PTPRD: variants seen among roughly 807,000 people sequenced by gnomAD.
PTPRD encodes protein tyrosine phosphatase receptor type D.
In PTPRD, 34 loss-of-function variants were observed where a neutral mutation model predicts 214.5. That is an observed-to-expected ratio of 0.16 (90% confidence interval 0.12 to 0.21). The LOEUF (loss-of-function observed/expected upper bound fraction) is 0.21. Ranked by LOEUF, PTPRD falls within the 10% of genes least tolerant of loss-of-function variation. PTPRD has a pLI of 1.00. For missense variants in PTPRD, 2,545 were observed against 2,398.7 expected (o/e 1.06, Z -1.27); for synonymous variants, 1,128 against 845.7 (o/e 1.33, Z -5.79).
intron 12 of PTPRD, among the ~76,000 whole-genome samples, chr9:8,699,240 T>C (rs1462735417): frequency 2.0e-5 from 3 of 152,236 alleles, no homozygotes; most frequent in Non-Finnish European, 2.9e-5. Flanking sequence ...GGACAGATGC[T>C]AAACAGTTGC....
At chr9:9,430,510 T>G (rs1055996454) in intron 8 of PTPRD, among the ~76,000 whole-genome samples, 2 of 152,096 alleles carry the variant, frequency 1.3e-5, no homozygotes, top group African/African-American at 4.8e-5. Context: ...GCCATCCCCA[T>G]GAAGCTACCA....
At chr9:8,765,859 T>C (rs540821446) in intron 11 of PTPRD, among the ~76,000 whole-genome samples, 1 of 152,322 alleles carries the variant, frequency 6.6e-6, no homozygotes, top group East Asian at 1.9e-4. Context: ...CTGTTTGATA[T>C]TGGACAGTGT....
chr9:9,588,692 C>T (rs761253645), intron 7 of PTPRD, among the ~76,000 whole-genome samples: 7 of 151,890 alleles, frequency 4.6e-5, no homozygotes, highest in Non-Finnish European at 8.8e-5. Flanking sequence ...ACTTCCACTA[C>T]CAGTCCTTGA....
At chr9:10,179,178 A>G (rs2099267297) in intron 3 of PTPRD, among the ~76,000 whole-genome samples, 1 of 152,048 alleles carries the variant, frequency 6.6e-6, no homozygotes, top group South Asian at 2.1e-4. Context: ...CAGTGGATGC[A>G]GCAAGACACT....
chr9:9,218,358 A>G (rs1244359245), intron 9 of PTPRD, among the ~76,000 whole-genome samples: 5 of 152,158 alleles, frequency 3.3e-5, no homozygotes, highest in African/African-American at 1.2e-4. Flanking sequence ...TCATTTTTAA[A>G]AGCCATTTCA....
At chr9:9,301,823 T>A (rs1955432433) in intron 9 of PTPRD, among the ~76,000 whole-genome samples, 1 of 151,894 alleles carries the variant, frequency 6.6e-6, no homozygotes, top group Non-Finnish European at 1.5e-5. Flanking sequence ...AAGAGATATG[T>A]CCCTAGAATT....
intron 3 of PTPRD, among the ~76,000 whole-genome samples, chr9:10,301,262 G>A (rs1325782304): frequency 2.6e-5 from 4 of 152,030 alleles, no homozygotes; most frequent in South Asian, 2.1e-4. Context: ...CCCATCCGAA[G>A]GTCACCAACA....
intron 9 of PTPRD, among the ~76,000 whole-genome samples, chr9:9,275,812 G>A (rs538526708): frequency 2.0e-5 from 3 of 150,322 alleles, no homozygotes; most frequent in Admixed American, 6.7e-5. Context: ...AACAGTGAGC[G>A]AAACAGCTGT....
At chr9:9,633,642 C>A (rs565151276) in intron 7 of PTPRD, among the ~76,000 whole-genome samples, 2 of 152,008 alleles carry the variant, frequency 1.3e-5, no homozygotes, top group South Asian at 4.1e-4. Context: ...TATTCATGTT[C>A]GAAGGAAAGT....
intron 5 of PTPRD, among the ~76,000 whole-genome samples, chr9:9,876,707 T>C (rs1196842406): frequency 6.6e-6 from 1 of 152,214 alleles, no homozygotes; most frequent in Non-Finnish European, 1.5e-5. Flanking sequence ...TTCTCAAATT[T>C]GCTTTATACA....
chr9:8,595,972 G>A (rs2094454558), intron 14 of PTPRD, among the ~76,000 whole-genome samples: 1 of 152,130 alleles, frequency 6.6e-6, no homozygotes, highest in Non-Finnish European at 1.5e-5. Flanking sequence ...CAAATCATAG[G>A]TTAAGTTCCT....
At chr9:9,509,264 G>C (rs1460914127) in intron 8 of PTPRD, among the ~76,000 whole-genome samples, 1 of 151,372 alleles carries the variant, frequency 6.6e-6, no homozygotes, top group African/African-American at 2.4e-5. Flanking sequence ...GCACACTAAA[G>C]GTCATTTTTG....
chr9:9,270,576 G>C (rs1390093405), intron 9 of PTPRD, among the ~76,000 whole-genome samples: 3 of 151,280 alleles, frequency 2.0e-5, no homozygotes, highest in Non-Finnish European at 4.4e-5. Flanking sequence ...TGGTGAGTTA[G>C]GAAAGATCAG....
At chr9:8,585,964 C>T (rs1196952436) in intron 14 of PTPRD, among the ~76,000 whole-genome samples, 2 of 151,220 alleles carry the variant, frequency 1.3e-5, no homozygotes, top group Non-Finnish European at 2.9e-5. Flanking sequence ...ACCAATTAAA[C>T]TCATAAACAA....
intron 11 of PTPRD, among the ~76,000 whole-genome samples, chr9:8,841,927 G>C (rs924403308): frequency 4.0e-5 from 6 of 151,426 alleles, no homozygotes; most frequent in Non-Finnish European, 7.4e-5. Context: ...AGGAGAATCA[G>C]ATGAGCCCAG....
intron 6 of PTPRD, among the ~76,000 whole-genome samples, chr9:9,754,347 A>G (rs1020503543): frequency 6.6e-6 from 1 of 152,046 alleles, no homozygotes; most frequent in Non-Finnish European, 1.5e-5. Context: ...TGGAAGAAAT[A>G]AATGCAATGG....
intron 21 of PTPRD, among the ~76,000 whole-genome samples, chr9:8,509,540 C>G (rs1483218292): frequency 6.6e-6 from 1 of 152,186 alleles, no homozygotes; most frequent in Non-Finnish European, 1.5e-5. Context: ...ACACAGACAA[C>G]ACTGAAGGGC....
intron 39 of PTPRD, among the ~76,000 whole-genome samples, chr9:8,363,493 G>A (rs927023558): frequency 6.6e-6 from 1 of 152,020 alleles, no homozygotes; most frequent in Non-Finnish European, 1.5e-5. Flanking sequence ...AGATCAGGTG[G>A]CTGTTCTGAA....
chr9:9,629,909 G>C (rs992463095), intron 7 of PTPRD, among the ~76,000 whole-genome samples: 1 of 152,174 alleles, frequency 6.6e-6, no homozygotes, highest in Non-Finnish European at 1.5e-5. Flanking sequence ...GAGAGTAGGG[G>C]AAATGAGAGT....
Sources: allele counts gnomAD v4.1 joint callset (sites outside exome capture counted in the v4.1 genomes callset), GRCh38; gene constraint gnomAD v4.1.1; transcripts MANE v1.5; gene names NCBI Gene and HGNC (gene_info 2026-07-23, HGNC 2026-07-21).